Variants in MAP7 observed in about 807,000 individuals in gnomAD.
MAP7 encodes the protein microtubule associated protein 7.
Under a neutral mutation model 94.8 loss-of-function variants are expected in MAP7, and 52 were observed. The observed-to-expected ratio is 0.55, with a 90% confidence interval of 0.44 to 0.69. The LOEUF (loss-of-function observed/expected upper bound fraction) is 0.69. Ranked by LOEUF, MAP7 falls within the 30% of genes least tolerant of loss-of-function variation. The probability of loss-of-function intolerance (pLI) is 0.00; values close to 1 mark genes in which losing one functional copy is unlikely to be tolerated. For synonymous variants in MAP7, 350 were observed against 357.0 expected, an observed-to-expected ratio of 0.98 and a Z score of 0.22; for missense variants, 940 against 964.6, an observed-to-expected ratio of 0.97 and a Z score of 0.34.
At chr6:136,486,286 T>C (rs925166848) in intron 1 of MAP7, among the ~76,000 whole-genome samples, 1 of 152,178 alleles carries the variant, frequency 6.6e-6, no homozygotes, top group Non-Finnish European at 1.5e-5. Flanking sequence ...GGCAAAATCA[T>C]GAACACCAGA....
chr6:136,529,389 G>C (rs1049393322), intron 1 of MAP7, among the ~76,000 whole-genome samples: 12 of 152,110 alleles, frequency 7.9e-5, no homozygotes, highest in Admixed American at 3.3e-4. Flanking sequence ...CAAAGTGCTG[G>C]GATTAAAGGT....
intron 1 of MAP7, among the ~76,000 whole-genome samples, chr6:136,449,867 C>T (rs1343761890): frequency 1.3e-5 from 2 of 152,144 alleles, no homozygotes; most frequent in Non-Finnish European, 2.9e-5. Context: ...ACAAAGGAAC[C>T]TGAATAAATG....
chr6:136,520,666 G>A (rs1451835518), intron 1 of MAP7, among the ~76,000 whole-genome samples: 1 of 152,202 alleles, frequency 6.6e-6, no homozygotes, highest in Non-Finnish European at 1.5e-5. Context: ...GGGAGCGAGA[G>A]AGGAGGTTTC....
chr6:136,470,520 G>A (rs779261803), intron 1 of MAP7, among the ~76,000 whole-genome samples: 4 of 151,968 alleles, frequency 2.6e-5, no homozygotes, highest in South Asian at 2.1e-4. Context: ...CAAAGTATAC[G>A]ATATAGCATT....
At chr6:136,358,970 G>A (rs965106727) in intron 15 of MAP7, among the ~76,000 whole-genome samples, 1 of 152,038 alleles carries the variant, frequency 6.6e-6, no homozygotes, top group Non-Finnish European at 1.5e-5. Flanking sequence ...CCTATAACAC[G>A]GCCTGGCACA....
intron 1 of MAP7, among the ~76,000 whole-genome samples, chr6:136,529,783 T>C (rs538965564): frequency 2.0e-5 from 3 of 152,302 alleles, no homozygotes; most frequent in African/African-American, 7.2e-5. Flanking sequence ...AACAGTCCAA[T>C]AGGCCCCCGA....
chr6:136,389,494 C>G lies in MAP7; in HGVS notation c.268G>C (p.Glu90Gln). 2 of 1,609,418 alleles carry G rather than the reference C, an allele frequency of 1.2e-6. No homozygotes were observed. Among genetic ancestry groups the G allele is most frequent in the African/African-American group, 2.7e-5 (2 of 74,222 alleles). Reference sequence around the variant, plus strand: ...TGCTGCCTGGCTCGCTCTTCTCTTTCTAACCACACTATTTCTCTTGCAGCT... The same window carrying G: ...TGCTGCCTGGCTCGCTCTTCTCTTTGTAACCACACTATTTCTCTTGCAGCT... The part of the protein sequence containing the change: ...QLAAREIVWL[E>Q]REERARQHYE... The change falls in exon 4 of 18, where the codon GAA becomes CAA. Residue 90 changes from glutamate to glutamine, a missense_variant. Coordinates refer to ENST00000354570, the MANE Select transcript of MAP7 (RefSeq NM_003980.6).
chr6:136,542,907 T>C (rs1764163296), intron 1 of MAP7, among the ~76,000 whole-genome samples: 1 of 152,178 alleles, frequency 6.6e-6, no homozygotes, highest in Admixed American at 6.5e-5. Flanking sequence ...ATTGCTTTAC[T>C]CAAAGAACTT....
Position 136,365,910 on chromosome 6 carries a change from G to T in MAP7, c.1098C>A (p.Pro366=). The change falls in exon 10 of 18, where the codon CCC becomes CCA. Residue 366 remains proline, a synonymous_variant. Coordinates refer to ENST00000354570, the MANE Select transcript of MAP7 (RefSeq NM_003980.6). ...CCCTCTTGACAGGGCGGATGTTGCC[G>T]GGGGATGGGGGCCGGACCTGAGCAG... ...AAPAQVRPPS[P]GNIRPVKREV... The T allele has an allele frequency of 3.1e-6, 5 of 1,614,122 alleles. No individual in the cohort carries two copies. Among genetic ancestry groups the T allele is most frequent in the Non-Finnish European group, 3.4e-6 (4 of 1,180,028 alleles).
chr6:136,496,234 T>G (rs1450518327), intron 1 of MAP7, among the ~76,000 whole-genome samples: 3 of 152,208 alleles, frequency 2.0e-5, no homozygotes, highest in Non-Finnish European at 4.4e-5. Flanking sequence ...ATTGTTTAAG[T>G]TTCCTCTTAG....
At position 136,361,025 on chromosome 6, in the gene MAP7, C is replaced by A; in HGVS notation, c.1681G>T (p.Ala561Ser). Reference protein sequence around the residue: ...EERALREREEAERAQRQKEEE... With the variant: ...EERALREREESERAQRQKEEE... ...CGCACCTGCCTCTGGGCGCGCTCTG[C>A]CTCCTCCCGCTCGCGCAGCGCCCGC... Residue 561 changes from alanine (A) to serine (S), a missense_variant, in exon 12 of 18, where the codon GCA becomes TCA. By Grantham distance (99) the Ala-to-Ser change is moderately conservative (BLOSUM62 1). Coordinates refer to ENST00000354570, the MANE Select transcript of MAP7 (RefSeq NM_003980.6). 6.3e-7 allele frequency: 1 copy of A among 1,575,976 alleles called. No individual in the cohort carries two copies.
chr6:136,382,020 G>A (rs1777943184), intron 6 of MAP7, among the ~76,000 whole-genome samples: 1 of 152,002 alleles, frequency 6.6e-6, no homozygotes, highest in Admixed American at 6.6e-5. Context: ...CACGGGTGAG[G>A]AGTCACCCTT....
At chr6:136,397,783 G>A (rs1052027998) in intron 3 of MAP7, among the ~76,000 whole-genome samples, 13 of 152,108 alleles carry the variant, frequency 8.5e-5, no homozygotes, top group Admixed American at 3.3e-4. Context: ...ATGGTATTTT[G>A]TTATGGCATC....
At chr6:136,520,150 T>A (rs892628205) in intron 1 of MAP7, among the ~76,000 whole-genome samples, 1 of 146,176 alleles carries the variant, frequency 6.8e-6, no homozygotes. Flanking sequence ...CAGTGAGCCA[T>A]GATCATACCA....
At chr6:136,380,814 C>A (rs1043801266) in intron 6 of MAP7, among the ~76,000 whole-genome samples, 1 of 152,210 alleles carries the variant, frequency 6.6e-6, no homozygotes, top group Admixed American at 6.5e-5. Flanking sequence ...GGCACAGACA[C>A]TACACTAATG....
intron 1 of MAP7, among the ~76,000 whole-genome samples, chr6:136,493,416 C>CTT (rs1448002684): frequency 4.7e-4 from 71 of 152,158 alleles, no homozygotes; most frequent in Non-Finnish European, 1.5e-5. Context: ...AGCCACCGCA[C>CTT]CGGCTTCTTC....
intron 1 of MAP7, among the ~76,000 whole-genome samples, chr6:136,521,181 G>C (rs1245611268): frequency 2.0e-5 from 3 of 152,128 alleles, no homozygotes; most frequent in African/African-American, 7.2e-5. Flanking sequence ...TCTAGATTAT[G>C]AAAAAATCAG....
chr6:136,460,159 G>A (rs1804707057), intron 1 of MAP7, among the ~76,000 whole-genome samples: 1 of 152,134 alleles, frequency 6.6e-6, no homozygotes, highest in Non-Finnish European at 1.5e-5. Context: ...AGCAAAAGCA[G>A]TAATAGTCAA....
At chr6:136,441,167 C>A (rs1453710108) in intron 1 of MAP7, among the ~76,000 whole-genome samples, 1 of 152,202 alleles carries the variant, frequency 6.6e-6, no homozygotes, top group Non-Finnish European at 1.5e-5. Context: ...GTTGAGAGAT[C>A]TCTTCCGCAT....
Sources: allele counts gnomAD v4.1 joint callset (sites outside exome capture counted in the v4.1 genomes callset), GRCh38; gene constraint gnomAD v4.1.1; transcripts MANE v1.5; gene names NCBI Gene and HGNC (gene_info 2026-07-23, HGNC 2026-07-21).